Variants in CFAP77 observed in about 807,000 individuals in gnomAD.
CFAP77 encodes the protein cilia and flagella associated protein 77.
Under a neutral mutation model 31.1 loss-of-function variants are expected in CFAP77, and 25 were observed. The observed-to-expected ratio is 0.80, with a 90% confidence interval of 0.59 to 1.12. CFAP77 has a LOEUF of 1.12. Ranked by LOEUF, CFAP77 falls within the 50% of genes most tolerant of loss-of-function variation. CFAP77 has a pLI of 0.00. For synonymous variants in CFAP77, 151 were observed against 159.9 expected (o/e 0.94, Z 0.42); for missense variants, 377 against 397.3 (o/e 0.95, Z 0.44).
intron 3 of CFAP77, among the ~76,000 whole-genome samples, chr9:132,524,704 A>C (rs988600681): frequency 2.0e-5 from 3 of 151,882 alleles, no homozygotes; most frequent in Admixed American, 1.3e-4. Flanking sequence ...GCTGGAGTGC[A>C]GTGGCGTGAT....
chr9:132,506,992 A>T (rs571366948), intron 3 of CFAP77, among the ~76,000 whole-genome samples: 1 of 152,268 alleles, frequency 6.6e-6, no homozygotes, highest in Non-Finnish European at 1.5e-5. Flanking sequence ...CAGCACTAGA[A>T]GGGGGATGAG....
chr9:132,421,002 CTTTTTTTTTTTTT>C (rs754764941), intron 1 of CFAP77, among the ~76,000 whole-genome samples: 8 of 74,516 alleles, frequency 1.1e-4, no homozygotes, highest in Admixed American at 3.2e-4. Flanking sequence ...TGGCTTGTGT[CTTTTTTTTTTTTT>C]TTTTTTTTTT....
chr9:132,540,493 T>G (rs990908080), intron 4 of CFAP77, among the ~76,000 whole-genome samples: 4 of 152,210 alleles, frequency 2.6e-5, no homozygotes, highest in African/African-American at 9.6e-5. Flanking sequence ...GAGGAAAATG[T>G]CTTTCCTTCT....
intron 3 of CFAP77, among the ~76,000 whole-genome samples, chr9:132,506,445 T>C (rs1851931535): frequency 6.6e-6 from 1 of 151,960 alleles, no homozygotes; most frequent in Admixed American, 6.6e-5. Flanking sequence ...GAGTCAGGGA[T>C]GGCGGGGAGG....
chr9:132,491,430 G>A (rs1164012760), intron 1 of CFAP77, among the ~76,000 whole-genome samples: 4 of 152,198 alleles, frequency 2.6e-5, no homozygotes, highest in Non-Finnish European at 5.9e-5. Flanking sequence ...TTGTGCCATT[G>A]CACTCCAGCC....
chr9:132,416,951 G>GT (rs914587079), intron 1 of CFAP77, among the ~76,000 whole-genome samples: 3 of 151,340 alleles, frequency 2.0e-5, no homozygotes, highest in African/African-American at 2.4e-5. Flanking sequence ...TTTTGTATTA[G>GT]TTTTTTTTAA....
intron 1 of CFAP77, among the ~76,000 whole-genome samples, chr9:132,433,674 A>G (rs1160545302): frequency 6.6e-6 from 1 of 151,818 alleles, no homozygotes; most frequent in African/African-American, 2.4e-5. Flanking sequence ...CAGCCTCCTG[A>G]GTAGCTGGGA....
intron 1 of CFAP77, among the ~76,000 whole-genome samples, chr9:132,433,780 T>A (rs1210017939): frequency 6.6e-6 from 1 of 151,472 alleles, no homozygotes; most frequent in Non-Finnish European, 1.5e-5. Flanking sequence ...ACTCCTGACC[T>A]CAGGTGATCC....
intron 3 of CFAP77, among the ~76,000 whole-genome samples, chr9:132,520,178 A>G (rs1444144397): frequency 6.6e-6 from 1 of 151,502 alleles, no homozygotes; most frequent in Non-Finnish European, 1.5e-5. Context: ...GTACATTCAT[A>G]AAGCCTTTCC....
intron 1 of CFAP77, among the ~76,000 whole-genome samples, chr9:132,483,245 T>C (rs1317060181): frequency 6.6e-6 from 1 of 152,030 alleles, no homozygotes; most frequent in African/African-American, 2.4e-5. Flanking sequence ...CACTCCATCC[T>C]GGGCAACAAG....
At chr9:132,459,689 T>C (rs1851007843) in intron 1 of CFAP77, among the ~76,000 whole-genome samples, 1 of 151,902 alleles carries the variant, frequency 6.6e-6, no homozygotes, top group Non-Finnish European at 1.5e-5. Context: ...TGTATATGTG[T>C]GCATATGTGT....
At chr9:132,434,022 C>G (rs971212168) in intron 1 of CFAP77, among the ~76,000 whole-genome samples, 2 of 151,570 alleles carry the variant, frequency 1.3e-5, no homozygotes, top group Admixed American at 1.3e-4. Context: ...GCCTGTAGTC[C>G]CAGCTACTTG....
chr9:132,512,474 T>G (rs1852056530), intron 3 of CFAP77, among the ~76,000 whole-genome samples: 2 of 152,226 alleles, frequency 1.3e-5, no homozygotes, highest in Non-Finnish European at 2.9e-5. Context: ...CCCACTCTAA[T>G]CATCGAAGCA....
At chr9:132,431,454 C>A (rs546425855) in intron 1 of CFAP77, among the ~76,000 whole-genome samples, 1 of 152,234 alleles carries the variant, frequency 6.6e-6, no homozygotes, top group Non-Finnish European at 1.5e-5. Flanking sequence ...TTAGAATCAG[C>A]AATCCTGAAT....
chr9:132,453,626 C>T (rs1850867761), intron 1 of CFAP77, among the ~76,000 whole-genome samples: 1 of 152,202 alleles, frequency 6.6e-6, no homozygotes, highest in African/African-American at 2.4e-5. Context: ...CATTTAAAAA[C>T]CCCACAGAAA....
intron 3 of CFAP77, among the ~76,000 whole-genome samples, chr9:132,508,246 A>G (rs1851970708): frequency 6.6e-6 from 1 of 152,246 alleles, no homozygotes; most frequent in South Asian, 2.1e-4. Context: ...TCTGCAGTGC[A>G]GTGATGCTGC....
chr9:132,459,226 C>T (rs2131723080), intron 1 of CFAP77, among the ~76,000 whole-genome samples: 1 of 152,238 alleles, frequency 6.6e-6, no homozygotes. Flanking sequence ...CGCCCGCCAC[C>T]ACGCCCAGCT....
At chr9:132,547,802 C>G (rs1003907595) in intron 5 of CFAP77, among the ~76,000 whole-genome samples, 3 of 152,232 alleles carry the variant, frequency 2.0e-5, no homozygotes, top group African/African-American at 7.2e-5. Context: ...AAACATAACC[C>G]TGCGTGGGCC....
rs968448622 is a variant in CFAP77 at position 132,542,676 on chromosome 9, G to A, written c.631-270G>A. Among the ~76,000 whole-genome samples the A allele has an allele frequency of 3.3e-5, 5 of 152,244 alleles. No individual in the cohort carries two copies. In the South Asian group the frequency reaches 8.3e-4, roughly 25 times the overall value. On this transcript the variant is annotated intron_variant, in intron 4 of 5. Coordinates refer to ENST00000393216, the MANE Select transcript of CFAP77 (RefSeq NM_001282957.2). ...GTCCATGCCCTGAGGGTGGCTGCAC[G>A]CTGGAATCCCACATGTTCCAGAGAC... is the stretch of plus-strand genomic sequence containing the variant.
Sources: allele counts gnomAD v4.1 joint callset (sites outside exome capture counted in the v4.1 genomes callset), GRCh38; gene constraint gnomAD v4.1.1; transcripts MANE v1.5; gene names NCBI Gene and HGNC (gene_info 2026-07-23, HGNC 2026-07-21).